Variants in FSHR observed in about 807,000 individuals in gnomAD.
FSHR encodes the protein follicle stimulating hormone receptor.
FSHR carries 46 observed loss-of-function variants against 52.1 expected under a neutral mutation model. The ratio of observed to expected loss-of-function variants is 0.88; its 90% confidence interval spans 0.70 to 1.13. FSHR has a LOEUF of 1.13. Among genes scored for constraint, FSHR ranks in the 50% most tolerant of loss-of-function variants. The pLI is 0.00. For synonymous variants in FSHR, 399 were observed against 309.6 expected, an observed-to-expected ratio of 1.29 and a Z score of -3.03; for missense variants, 964 against 834.6, an observed-to-expected ratio of 1.16 and a Z score of -1.91.
chr2:49,017,338 A>T, intron 4 of FSHR, 151 bp downstream of exon 4: 1 of 620,768 alleles, frequency 1.6e-6, no homozygotes, highest in Non-Finnish European at 2.9e-6. Flanking sequence ...ACTAAAATCC[A>T]TCACCAAGTA....
chr2:49,135,360 C>T (rs1672453694), intron 1 of FSHR, among the ~76,000 whole-genome samples: 1 of 151,900 alleles, frequency 6.6e-6, no homozygotes, highest in Non-Finnish European at 1.5e-5. Context: ...GCACAATACT[C>T]AATAACAAAT....
At chr2:48,984,354 C>T (rs1212271365) in intron 6 of FSHR, among the ~76,000 whole-genome samples, 1 of 152,212 alleles carries the variant, frequency 6.6e-6, no homozygotes, top group African/African-American at 2.4e-5. Flanking sequence ...ATCTGGACTC[C>T]TGACTGTTGC....
chr2:49,152,193 T>C (rs1156779495), intron 1 of FSHR, among the ~76,000 whole-genome samples: 2 of 152,140 alleles, frequency 1.3e-5, no homozygotes, highest in African/African-American at 4.8e-5. Flanking sequence ...TTTATGCAAC[T>C]TTGTCCTCTA....
chr2:49,101,207 G>A (rs1016168178), intron 1 of FSHR, among the ~76,000 whole-genome samples: 2 of 152,140 alleles, frequency 1.3e-5, no homozygotes, highest in Non-Finnish European at 2.9e-5. Flanking sequence ...GATGAACCAG[G>A]GAAGAGATGT....
At chr2:49,051,867 A>G (rs1017370963) in intron 2 of FSHR, among the ~76,000 whole-genome samples, 7 of 152,268 alleles carry the variant, frequency 4.6e-5, no homozygotes, top group Middle Eastern at 3.4e-3. Context: ...AATTTTGTGT[A>G]TAACATGAGG....
chr2:49,113,405 A>G (rs867098955), intron 1 of FSHR, among the ~76,000 whole-genome samples: 4 of 152,198 alleles, frequency 2.6e-5, no homozygotes, highest in East Asian at 1.9e-4. Context: ...TGGTGCAGGA[A>G]TTTAAAAGGA....
At chr2:49,137,720 T>A (rs1020857763) in intron 1 of FSHR, among the ~76,000 whole-genome samples, 7 of 152,126 alleles carry the variant, frequency 4.6e-5, no homozygotes, top group African/African-American at 1.4e-4. Context: ...ATGGTCCCAA[T>A]TGTTTAGTAA....
chr2:49,146,737 G>A (rs777042106), intron 1 of FSHR, among the ~76,000 whole-genome samples: 4 of 152,052 alleles, frequency 2.6e-5, no homozygotes, highest in Admixed American at 6.6e-5. Context: ...ACATCTCAGC[G>A]TCATTTTACA....
At chr2:48,967,823 C>T (rs1674545423) in intron 9 of FSHR, among the ~76,000 whole-genome samples, 1 of 152,152 alleles carries the variant, frequency 6.6e-6, no homozygotes, top group South Asian at 2.1e-4. Context: ...CTGTGTTAAA[C>T]AGAGAAATAA....
In FSHR at chr2:49,148,640, G is replaced by A. The variant is rs895590892; in HGVS notation, c.152+5626C>T. ...TGTGAAATGAACTGCACCAGTGTTTGAATGAAAGCAAGTTTAAATAAAGAC... is the reference window on the plus strand; with the variant it reads ...TGTGAAATGAACTGCACCAGTGTTTAAATGAAAGCAAGTTTAAATAAAGAC... On this transcript the variant is annotated intron_variant, in intron 1 of 9. Coordinates refer to ENST00000406846, the MANE Select transcript of FSHR (RefSeq NM_000145.4). Among the ~76,000 whole-genome samples, 4 of 152,164 alleles carry A rather than the reference G, an allele frequency of 2.6e-5. No individual in the cohort carries two copies. In the East Asian group the frequency reaches 7.7e-4, roughly 29 times the overall value.
Position 49,025,275 on chromosome 2 carries a change from G to C in FSHR, c.225-5115C>G, listed in dbSNP as rs1667877580. ...TTCTGTGTTTCAGGCACTGGGATCA[G>C]TGCTGGGAATCTAAAGATGAATAAA... On this transcript the variant is annotated intron_variant, in intron 2 of 9. Transcript: ENST00000406846. 1.3e-5 allele frequency among the ~76,000 whole-genome samples: 2 copies of C among 152,174 alleles called. 1 individual carries two copies. The highest frequency in any genetic ancestry group is 1.3e-4 in the Admixed American group (2 of 15,270).
intron 4 of FSHR, among the ~76,000 whole-genome samples, chr2:49,001,633 T>C (rs1032680985): frequency 6.6e-6 from 1 of 152,160 alleles, no homozygotes; most frequent in Non-Finnish European, 1.5e-5. Flanking sequence ...TCATTTCTAA[T>C]ATTAATTATT....
At chr2:49,083,509 G>A (rs1318535626) in intron 1 of FSHR, among the ~76,000 whole-genome samples, 12 of 145,830 alleles carry the variant, frequency 8.2e-5, no homozygotes, top group African/African-American at 2.8e-4. Flanking sequence ...AACTTTAAAT[G>A]TAAATGGACT....
rs1673149051 is a variant in FSHR at position 49,153,870 on chromosome 2, G to T, written c.152+396C>A. On this transcript the variant is annotated intron_variant, in intron 1 of 9. Transcript: ENST00000406846. ...TCAGTGTCCTCGGGAGACATACCTT[G>T]TGTATTCTGCTTAGATCAAAGCTGC... is the stretch of plus-strand genomic sequence containing the variant. Among the ~76,000 whole-genome samples the T allele has an allele frequency of 2.0e-5, 3 of 152,090 alleles. No individual in the cohort carries two copies. The South Asian group carries it at 6.2e-4, about 32-fold the overall frequency.
chr2:49,088,651 T>C (rs889422333), intron 1 of FSHR, among the ~76,000 whole-genome samples: 6 of 152,198 alleles, frequency 3.9e-5, no homozygotes, highest in Non-Finnish European at 7.3e-5. Flanking sequence ...ACTGTGAATT[T>C]TATTGACAAT....
intron 1 of FSHR, among the ~76,000 whole-genome samples, chr2:49,070,676 T>G (rs1029807698): frequency 6.6e-6 from 1 of 152,098 alleles, no homozygotes; most frequent in Non-Finnish European, 1.5e-5. Context: ...AGTGTGCATG[T>G]TTTTCTAAAA....
intron 1 of FSHR, among the ~76,000 whole-genome samples, chr2:49,118,008 G>A (rs1011555815): frequency 9.8e-5 from 15 of 152,308 alleles, no homozygotes; most frequent in African/African-American, 3.1e-4. Flanking sequence ...CTACAAACTG[G>A]TGTATGGGAT....
At chr2:49,118,317 G>C (rs1374234064) in intron 1 of FSHR, among the ~76,000 whole-genome samples, 1 of 152,106 alleles carries the variant, frequency 6.6e-6, no homozygotes, top group African/African-American at 2.4e-5. Context: ...GTGGATGGCT[G>C]AATGGGGCCA....
At chr2:49,060,069 C>T (rs1172348152) in intron 2 of FSHR, among the ~76,000 whole-genome samples, 1 of 152,048 alleles carries the variant, frequency 6.6e-6, no homozygotes, top group Non-Finnish European at 1.5e-5. Context: ...GAAAAGAAGA[C>T]ATATAAATGG....
Sources: gnomAD v4.1 joint callset for allele counts (sites outside exome capture counted in the v4.1 genomes callset) on GRCh38, gnomAD v4.1.1 for gene constraint, MANE v1.5 for transcripts, NCBI Gene and HGNC (gene_info 2026-07-23, HGNC 2026-07-21) for gene names.